Variants in ENPP6 observed in about 807,000 individuals in gnomAD.
The protein encoded by ENPP6 is glycerophosphocholine cholinephosphodiesterase ENPP6.
ENPP6 carries 32 observed loss-of-function variants against 42.0 expected under a neutral mutation model. That is an observed-to-expected ratio of 0.76 (90% confidence interval 0.58 to 1.02). The LOEUF is 1.02. Among genes scored for constraint, ENPP6 ranks in the 50% least tolerant of loss-of-function variants. ENPP6 has a pLI of 0.00. For synonymous variants in ENPP6, 213 were observed against 216.0 expected, an observed-to-expected ratio of 0.99 and a Z score of 0.12; for missense variants, 552 against 566.8, an observed-to-expected ratio of 0.97 and a Z score of 0.27.
chr4:184,108,921 A>T (rs567506106), intron 6 of ENPP6, among the ~76,000 whole-genome samples: 26 of 152,378 alleles, frequency 1.7e-4, no homozygotes, highest in Non-Finnish European at 5.9e-5. Flanking sequence ...TTCAGAACTA[A>T]CAATAGCAGC....
Position 184,124,265 on chromosome 4 carries a change from C to G in ENPP6, c.429G>C (p.Glu143Asp). 6.2e-7 allele frequency: 1 copy of G among 1,612,806 alleles called. No homozygotes were observed. The highest frequency in any genetic ancestry group is 8.5e-7 in the Non-Finnish European group (1 of 1,179,194). The change falls in exon 3 of 8, where the codon GAG becomes GAC. Residue 143 changes from glutamate to aspartate, a missense_variant. By Grantham distance (45) the Glu-to-Asp change is conservative. Coordinates refer to ENST00000296741, the MANE Select transcript of ENPP6 (RefSeq NM_153343.4). Reference protein sequence around the residue: ...KVYMYYWPGCEVEILGVRPTY... With the variant: ...KVYMYYWPGCDVEILGVRPTY... ...TGGGTCTGACACCCAGAATCTCAAC[C>G]TCACAGCCTGAGAAGGAAAAAGATG...
chr4:184,185,512 G>A (rs552183330), intron 1 of ENPP6, among the ~76,000 whole-genome samples: 43 of 152,302 alleles, frequency 2.8e-4, no homozygotes, highest in African/African-American at 1.0e-3. Context: ...CCTTTTGCGA[G>A]AATCATGCCC....
intron 1 of ENPP6, among the ~76,000 whole-genome samples, chr4:184,176,784 C>T (rs1737570061): frequency 6.6e-6 from 1 of 152,204 alleles, no homozygotes; most frequent in Admixed American, 6.5e-5. Context: ...AGAGAACTAT[C>T]AGCAAGTCAT....
chr4:184,201,536 C>T (rs962781358), intron 1 of ENPP6, among the ~76,000 whole-genome samples: 1 of 152,130 alleles, frequency 6.6e-6, no homozygotes, highest in Admixed American at 6.5e-5. Context: ...ACAGCTTTGC[C>T]CCCTACTCTA....
chr4:184,152,927 G>GTT (rs35794133), intron 2 of ENPP6, among the ~76,000 whole-genome samples: 72,486 of 146,298 alleles, frequency 0.5, 18,103 homozygotes, highest in East Asian at 0.76. Flanking sequence ...ATGGTACACT[G>GTT]TTTTTTTTTT....
At chr4:184,155,420 T>C (rs929823720) in intron 1 of ENPP6, among the ~76,000 whole-genome samples, 1 of 152,238 alleles carries the variant, frequency 6.6e-6, no homozygotes, top group African/African-American at 2.4e-5. Flanking sequence ...TCTTTCCTCA[T>C]AGAGAGATGT....
Position 184,107,794 on chromosome 4 carries a change from T to A in ENPP6, c.993+4878A>T, listed in dbSNP as rs557146908. Among the ~76,000 whole-genome samples, 490 of 151,882 alleles carry A rather than the reference T, an allele frequency of 3.2e-3. 2 individuals are homozygous for A. Among genetic ancestry groups the A allele is most frequent in the Non-Finnish European group, 4.5e-3 (306 of 67,940 alleles). On this transcript the variant is annotated intron_variant, in intron 6 of 7. Coordinates refer to ENST00000296741, the MANE Select transcript of ENPP6 (RefSeq NM_153343.4). ...GCCGGGCGTGGTGGCGGGCGCCTGT[T>A]GTCCCAGCTACTCGGGAGGCTGAGG...
intron 1 of ENPP6, among the ~76,000 whole-genome samples, chr4:184,154,540 T>C (rs1290857890): frequency 1.3e-5 from 2 of 152,228 alleles, no homozygotes; most frequent in Non-Finnish European, 2.9e-5. Context: ...GCTCCCTAAC[T>C]ATGCTTAATC....
At chr4:184,099,746 G>T (rs188287987) in intron 6 of ENPP6, among the ~76,000 whole-genome samples, 3 of 152,284 alleles carry the variant, frequency 2.0e-5, no homozygotes, top group African/African-American at 4.8e-5. Flanking sequence ...CCATGGGAAG[G>T]TTTCTTTCAC....
chr4:184,156,299 G>A (rs1383000022), intron 1 of ENPP6, among the ~76,000 whole-genome samples: 1 of 152,204 alleles, frequency 6.6e-6, no homozygotes, highest in Non-Finnish European at 1.5e-5. Context: ...TAAGGCTGCA[G>A]TCTGTGCTTG....
At chr4:184,204,393 GCCGTGCAAGT>G (rs1732957543) in intron 1 of ENPP6, among the ~76,000 whole-genome samples, 1 of 152,170 alleles carries the variant, frequency 6.6e-6, no homozygotes, top group African/African-American at 2.4e-5. Flanking sequence ...CACAAGAGTG[GCCGTGCAAGT>G]CCCTTTAAGC....
intron 7 of ENPP6, among the ~76,000 whole-genome samples, chr4:184,092,203 G>A (rs1735816726): frequency 6.6e-6 from 1 of 152,000 alleles, no homozygotes; most frequent in East Asian, 1.9e-4. Flanking sequence ...CGAGGTCACA[G>A]GTCTTGATGG....
chr4:184,150,147 C>A (rs1737001495), intron 2 of ENPP6, among the ~76,000 whole-genome samples: 1 of 152,126 alleles, frequency 6.6e-6, no homozygotes, highest in African/African-American at 2.4e-5. Context: ...AGGCATATTT[C>A]TCCCTGCACT....
At chr4:184,135,968 T>C (rs1476799536) in intron 2 of ENPP6, among the ~76,000 whole-genome samples, 6 of 152,188 alleles carry the variant, frequency 3.9e-5, no homozygotes. Flanking sequence ...TAATGTATTT[T>C]CTGATATTTT....
At position 184,217,758 on chromosome 4, in the gene ENPP6, G is replaced by C; in HGVS notation, c.62C>G (p.Ser21Cys). Residue 21 changes from serine to cysteine, a missense_variant, in exon 1 of 8, where the codon TCT becomes TGT. By Grantham distance (112) the Ser-to-Cys change is moderately radical. Transcript: ENST00000296741. ...ALALGLAQPA[S>C]ARRKLLVFLL... Reference sequence around the variant, plus strand: ...AAACACCAGCAGCTTCCGGCGGGCAGAGGCTGGCTGGGCCAGGCCCAGGGC... The same window carrying C: ...AAACACCAGCAGCTTCCGGCGGGCACAGGCTGGCTGGGCCAGGCCCAGGGC... The C allele has an allele frequency of 6.2e-7, 1 of 1,614,102 alleles. No homozygotes were observed. The highest frequency in any genetic ancestry group is 2.2e-5 in the East Asian group (1 of 44,882).
At chr4:184,158,178 G>C (rs567351935) in intron 1 of ENPP6, among the ~76,000 whole-genome samples, 56 of 152,324 alleles carry the variant, frequency 3.7e-4, no homozygotes, top group African/African-American at 1.3e-3. Flanking sequence ...GTGGTTAAGG[G>C]AACGAATCTT....
chr4:184,174,482 T>C (rs1737528888), intron 1 of ENPP6, among the ~76,000 whole-genome samples: 1 of 152,152 alleles, frequency 6.6e-6, no homozygotes, highest in South Asian at 2.1e-4. Flanking sequence ...GACAGCCTTG[T>C]AAGAATGGAA....
intron 2 of ENPP6, among the ~76,000 whole-genome samples, chr4:184,127,416 TAAAA>T (rs1385776138): frequency 6.6e-6 from 1 of 151,894 alleles, no homozygotes; most frequent in Non-Finnish European, 1.5e-5. Context: ...TTAAGACAAG[TAAAA>T]AAACAGTATG....
chr4:184,119,848 T>C (rs1415878275), intron 3 of ENPP6, among the ~76,000 whole-genome samples: 1 of 152,168 alleles, frequency 6.6e-6, no homozygotes, highest in South Asian at 2.1e-4. Flanking sequence ...GTTGCTGCCA[T>C]GTGAAGAAGG....
Sources: gnomAD v4.1 joint callset for allele counts (sites outside exome capture counted in the v4.1 genomes callset) on GRCh38, gnomAD v4.1.1 for gene constraint, MANE v1.5 for transcripts, NCBI Gene and HGNC (gene_info 2026-07-23, HGNC 2026-07-21) for gene names.